Variants in ABCD2 observed in about 807,000 individuals in gnomAD.
ABCD2 encodes the protein ATP binding cassette subfamily D member 2.
In ABCD2, 36 loss-of-function variants were observed where a neutral mutation model predicts 70.9. The observed-to-expected ratio is 0.51, with a 90% CI of 0.39 to 0.67. The LOEUF (loss-of-function observed/expected upper bound fraction) is 0.67. Ranked by LOEUF, ABCD2 falls within the 30% of genes least tolerant of loss-of-function variation. The pLI is 0.00. For missense variants in ABCD2, 729 were observed against 890.2 expected, an observed-to-expected ratio of 0.82 and a Z score of 2.30; for synonymous variants, 304 against 306.9, an observed-to-expected ratio of 0.99 and a Z score of 0.10.
chr12:39,570,375 C>T (rs1001234498), intron 9 of ABCD2, among the ~76,000 whole-genome samples: 9 of 152,162 alleles, frequency 5.9e-5, no homozygotes, highest in Admixed American at 2.6e-4. Context: ...ATTGTACTGA[C>T]ACAAAAACAG....
At chr12:39,544,711 G>A in the ABCD2 span, among the ~76,000 whole-genome samples, 6 of 152,194 alleles carry the variant, frequency 3.9e-5, no homozygotes, top group Non-Finnish European at 5.9e-5. Context: ...GCTGTGGATC[G>A]CTCTGGCTTC....
Position 39,619,406 on chromosome 12 carries a change from C to CTCG in ABCD2, c.207_209dup (p.Thr69_Glu70insAsp). ...CAGGCGAAGGTTTTTCACAAATGGT[C>CTCG]TCGGTGCAATGCAGTATTTCTGTGT... On this transcript the variant is annotated inframe_insertion, in exon 1 of 10. Transcript: ENST00000308666. 1.2e-6 allele frequency: 2 copies of CTCG among 1,614,124 alleles called. No homozygotes were observed. Among genetic ancestry groups the CTCG allele is most frequent in the Non-Finnish European group, 1.7e-6 (2 of 1,180,034 alleles).
chr12:39,546,974 T>G (rs940103081), downstream of ABCD2, among the ~76,000 whole-genome samples: 1 of 152,098 alleles, frequency 6.6e-6, no homozygotes, highest in Non-Finnish European at 1.5e-5. Flanking sequence ...CAGATCATGG[T>G]GGGCCTTAAA....
intron 9 of ABCD2, among the ~76,000 whole-genome samples, chr12:39,568,654 G>T (rs1057116324): frequency 4.6e-5 from 7 of 152,166 alleles, no homozygotes; most frequent in African/African-American, 1.7e-4. Flanking sequence ...ATCCAGCTTT[G>T]TTCCGTTGCT....
intron 6 of ABCD2, among the ~76,000 whole-genome samples, chr12:39,598,672 T>A (rs914458433): frequency 2.0e-5 from 3 of 152,170 alleles, no homozygotes; most frequent in South Asian, 2.1e-4. Context: ...AGTGCTGGGA[T>A]TACAGGCATG....
At chr12:39,606,580 A>C (rs1462413610) in intron 3 of ABCD2, among the ~76,000 whole-genome samples, 4 of 152,166 alleles carry the variant, frequency 2.6e-5, no homozygotes, top group Non-Finnish European at 4.4e-5. Context: ...ATCTATCCCA[A>C]AGACTGTGTC....
At chr12:39,534,902 AAG>A in the ABCD2 span, among the ~76,000 whole-genome samples, 1 of 74,928 alleles carries the variant, frequency 1.3e-5, no homozygotes, top group African/African-American at 1.2e-4. Flanking sequence ...GAAAGAAAGA[AAG>A]AAAGAAAGAA....
intron 7 of ABCD2, 89 bp from the exon 8 acceptor site, chr12:39,579,708 C>A: frequency 9.9e-7 from 1 of 1,005,550 alleles, no homozygotes; most frequent in South Asian, 1.6e-5. Context: ...CTGACAAATT[C>A]AAATTGTCAA....
chr12:39,604,909 T>C lies in ABCD2; in HGVS notation c.1258A>G (p.Thr420Ala), dbSNP rs1367391769. The C allele has an allele frequency of 1.3e-6, 2 of 1,596,304 alleles. No individual in the cohort carries two copies. Among genetic ancestry groups the C allele is most frequent in the East Asian group, 2.2e-5 (1 of 44,500 alleles). The part of the protein sequence containing the change: ...YKEVTELAGY[T>A]ARVYNMFWVF... ...CAAAACATATTGTACACTCGAGCAG[T>C]GTAGCCTGCTAATTCAGTGACCTAA... is the stretch of plus-strand genomic sequence containing the variant. The change falls in exon 4 of 10, where the codon ACT becomes GCT. Residue 420 changes from threonine (T) to alanine (A), a missense_variant. This residue lies in a region of ABCD2 where 195 missense variants were observed against 300.2 expected (regional missense o/e 0.65). Transcript: ENST00000308666.
At chr12:39,592,520 A>T (rs978186030) in intron 6 of ABCD2, among the ~76,000 whole-genome samples, 1 of 152,196 alleles carries the variant, frequency 6.6e-6, no homozygotes, top group Non-Finnish European at 1.5e-5. Context: ...CTAGCTTTTA[A>T]TCTATAAAAG....
chr12:39,553,007 T>C lies in ABCD2; in HGVS notation c.*905A>G, dbSNP rs1212163402. The C allele has an allele frequency of 6.6e-6, 1 of 151,988 alleles. No homozygotes were observed. Among genetic ancestry groups the C allele is most frequent in the African/African-American group, 2.4e-5 (1 of 41,430 alleles). The allele number at this position is 151,988 out of a possible 1,614,324, so 9.4% of individuals were successfully genotyped here. ...TAAGGTGAAATGATGTAAATGGGGA[T>C]TGTAAATTATAAAGTACTATTCCAA... On this transcript the variant is annotated 3_prime_UTR_variant, in exon 10 of 10. Coordinates refer to ENST00000308666, the MANE Select transcript of ABCD2 (RefSeq NM_005164.4).
chr12:39,541,353 G>A, the ABCD2 span, among the ~76,000 whole-genome samples: 1 of 152,070 alleles, frequency 6.6e-6, no homozygotes, highest in Non-Finnish European at 1.5e-5. Context: ...GCAATCTGAA[G>A]AAAAAAATGA....
chr12:39,578,270 C>G (rs1356341289), intron 8 of ABCD2, among the ~76,000 whole-genome samples: 1 of 151,982 alleles, frequency 6.6e-6, no homozygotes, highest in African/African-American at 2.4e-5. Flanking sequence ...GTCAGGAGAT[C>G]GAGACCATCC....
the ABCD2 span, among the ~76,000 whole-genome samples, chr12:39,538,143 G>A: frequency 6.6e-6 from 1 of 151,188 alleles, no homozygotes; most frequent in Non-Finnish European, 1.5e-5. Flanking sequence ...CTCCCACACT[G>A]TGGAGTGTAC....
chr12:39,560,135 T>A (rs1941233366), intron 9 of ABCD2, among the ~76,000 whole-genome samples: 1 of 152,196 alleles, frequency 6.6e-6, no homozygotes, highest in African/African-American at 2.4e-5. Context: ...ACATTAGGTA[T>A]ATCTCCTAAT....
chr12:39,584,945 G>A (rs555112148), intron 7 of ABCD2, among the ~76,000 whole-genome samples: 1 of 152,282 alleles, frequency 6.6e-6, no homozygotes, highest in African/African-American at 2.4e-5. Flanking sequence ...TTGAAGTGGG[G>A]CAGCATGATG....
At chr12:39,564,945 T>C (rs1941320898) in intron 9 of ABCD2, among the ~76,000 whole-genome samples, 1 of 152,216 alleles carries the variant, frequency 6.6e-6, no homozygotes, top group South Asian at 2.1e-4. Context: ...GTTGTAGATA[T>C]GCGGCATTAT....
Position 39,607,658 on chromosome 12 carries a change from G to A in ABCD2, c.1177C>T (p.Arg393Ter), listed in dbSNP as rs1566584235. The part of the protein sequence containing the change: ...SERTEAFTTA[R>*]NLLASGADAI... The stretch of plus-strand genomic sequence containing the variant: ...TCAGCTCCAGAGGCCAGTAAATTTC[G>A]AGCAGTGGTAAAGGCTTCTGTCCGT... Residue 393 changes from arginine (R) to a stop codon, truncating the protein, a stop_gained, in exon 3 of 10, where the codon CGA becomes TGA. Transcript: ENST00000308666. LOFTEE classifies it high-confidence loss of function. 4 of 1,613,122 alleles carry A rather than the reference G, an allele frequency of 2.5e-6. No individual in the cohort carries two copies. Among genetic ancestry groups the A allele is most frequent in the Non-Finnish European group, 3.4e-6 (4 of 1,179,802 alleles).
chr12:39,605,571 C>A (rs1379418159), intron 3 of ABCD2, among the ~76,000 whole-genome samples: 1 of 151,964 alleles, frequency 6.6e-6, no homozygotes, highest in Admixed American at 6.6e-5. Context: ...TGAGCTAAAT[C>A]TCTACTTTAG....
Sources: allele counts gnomAD v4.1 joint callset (sites outside exome capture counted in the v4.1 genomes callset), GRCh38; gene constraint gnomAD v4.1.1; regional missense constraint gnomAD v4.1.1; transcripts MANE v1.5; gene names NCBI Gene and HGNC (gene_info 2026-07-23, HGNC 2026-07-21).